VSX1: variants seen among roughly 807,000 people sequenced by gnomAD.
VSX1 encodes homeodomain protein RINX.
VSX1 carries 23 observed loss-of-function variants against 23.6 expected under a neutral mutation model. The observed-to-expected ratio is 0.97, with a 90% CI of 0.70 to 1.38. The LOEUF is 1.38. VSX1 is among the 40% of genes most tolerant of loss of function. VSX1 has a pLI of 0.00. For missense variants in VSX1, 517 were observed against 495.4 expected, an observed-to-expected ratio of 1.04 and a Z score of -0.41; for synonymous variants, 247 against 215.1, an observed-to-expected ratio of 1.15 and a Z score of -1.30.
rs1295232328 is a variant in VSX1, at chr20:25,081,732, G to A, written c.365C>T (p.Pro122Leu). ...RGPEPAAPLA[P>L]SRPPPALGRQ... ...GCCGAGCGCAGGCGGCGGACGGCTG[G>A]GAGCCAGCGGGGCAGCGGGCTCGGG... The change falls in exon 1 of 5, where the codon CCC becomes CTC. Residue 122 changes from proline (P) to leucine (L), a missense_variant. Pro to Leu is a moderately conservative substitution (Grantham distance 98, BLOSUM62 -3). Coordinates refer to ENST00000376709, the MANE Select transcript of VSX1 (RefSeq NM_014588.6). 1 of 1,501,370 alleles carries A rather than the reference G, an allele frequency of 6.7e-7. No individual in the cohort carries two copies. The highest frequency in any genetic ancestry group is 8.8e-7 in the Non-Finnish European group (1 of 1,133,130). 93.0% of individuals were successfully genotyped at this position (1,501,370 alleles called of 1,614,324 possible).
chr20:25,076,738 C>T (rs1240754456), intron 4 of VSX1, among the ~76,000 whole-genome samples, 188 bp from the exon 5 acceptor site: 2 of 152,126 alleles, frequency 1.3e-5, no homozygotes. Context: ...TGTCTGACCC[C>T]GGGTCACATC....
At chr20:25,074,463 C>T (rs2089445032), downstream of VSX1, among the ~76,000 whole-genome samples, 1 of 152,214 alleles carries the variant, frequency 6.6e-6, no homozygotes, top group Non-Finnish European at 1.5e-5. Context: ...GTGCCACTTC[C>T]TATTTTCTCC....
intron 1 of VSX1, among the ~76,000 whole-genome samples, chr20:25,081,045 T>C (rs151323369): frequency 1.2e-4 from 19 of 152,334 alleles, no homozygotes; most frequent in African/African-American, 4.6e-4. Context: ...GGGAAATGGG[T>C]AGGCCAGGAA....
downstream of VSX1, chr20:25,071,124 AG>A: frequency 2.2e-6 from 1 of 454,116 alleles, no homozygotes; most frequent in Admixed American, 2.3e-5. Flanking sequence ...GGTGACTTAG[AG>A]GGTCAGTAAG....
chr20:25,075,987 T>A lies in VSX1; in HGVS notation c.*274A>T. ...AGTGAAATCATTTTTGAACTTCGGA[T>A]CCTCCCTGCTCAAGCTACAAAAGAG... is the stretch of plus-strand genomic sequence containing the variant. On this transcript the variant is annotated 3_prime_UTR_variant, in exon 5 of 5. Coordinates refer to ENST00000376709, the MANE Select transcript of VSX1 (RefSeq NM_014588.6). 1 of 513,078 alleles carries A rather than the reference T, an allele frequency of 1.9e-6. No individual in the cohort carries two copies. The highest frequency in any genetic ancestry group is 2.1e-5 in the South Asian group (1 of 47,002). 31.8% of individuals were successfully genotyped at this position (513,078 alleles called of 1,614,324 possible). A position where few individuals can be genotyped will look rare whatever the true frequency, so the allele number is the denominator to read the frequency against.
rs766439615 is a variant in VSX1, at chr20:25,079,462, C to G, written c.477G>C (p.Leu159Phe). The change falls in exon 2 of 5, where the codon TTG (leucine) becomes TTC (phenylalanine). Residue 159 changes from leucine to phenylalanine, a missense_variant. Physicochemically the swap from Leu to Phe is conservative, Grantham distance 22 (BLOSUM62 0). Coordinates refer to ENST00000376709, the MANE Select transcript of VSX1 (RefSeq NM_014588.6). ...TGTGCCGCCGCTTCTTCCTCTTGCC[C>G]AAGGTGGGGGATGCCTTTAGGTCAT... ...DRNDLKASPT[L>F]GKRKKRRHRT... The G allele has an allele frequency of 1.2e-6, 2 of 1,612,888 alleles. No homozygotes were observed. Among genetic ancestry groups the G allele is most frequent in the Non-Finnish European group, 8.5e-7 (1 of 1,179,756 alleles).
intron 3 of VSX1, 197 bp downstream of exon 3, chr20:25,078,632 T>C (rs1052202446): frequency 3.6e-5 from 54 of 1,508,846 alleles, no homozygotes; most frequent in Non-Finnish European, 4.6e-5. Context: ...GATTTGATAC[T>C]AAATAATAAT....
chr20:25,071,907 C>A (rs115070323), downstream of VSX1: 17,813 of 700,220 alleles, frequency 0.025, 395 homozygotes, highest in African/African-American at 0.092. Flanking sequence ...CAGACTTTAG[C>A]AGCATTACAG....
At position 25,077,287 on chromosome 20, in the gene VSX1, G is replaced by A. The variant is rs115364778; in HGVS notation, c.808+398C>T. ...GCCAGCCCTCCTGACTCAGATGGAG[G>A]GGCTCACTGTCCCCAGGGGTCGCTG... On this transcript the variant is annotated intron_variant, in intron 4 of 4. Transcript: ENST00000376709. Among the ~76,000 whole-genome samples the A allele has an allele frequency of 1.8e-3, 279 of 152,278 alleles. 2 individuals carry two copies. The highest frequency in any genetic ancestry group is 6.6e-3 in the African/African-American group (273 of 41,552).
At chr20:25,076,869 G>C (rs927891002) in intron 4 of VSX1, among the ~76,000 whole-genome samples, 2 of 152,216 alleles carry the variant, frequency 1.3e-5, no homozygotes, top group Non-Finnish European at 1.5e-5. Flanking sequence ...AGATGAGCCA[G>C]TTTGGGTCAC....
intron 1 of VSX1, 82 bp downstream of exon 1, chr20:25,081,591 C>G (rs2089644000): frequency 6.5e-7 from 1 of 1,542,592 alleles, no homozygotes; most frequent in African/African-American, 1.4e-5. Flanking sequence ...GCCAGGGGTG[C>G]GGTGGGGCGA....
intron 4 of VSX1, 67 bp downstream of exon 4, chr20:25,077,618 G>A (rs1421909724): frequency 6.5e-7 from 1 of 1,527,014 alleles, no homozygotes; most frequent in African/African-American, 1.4e-5. Flanking sequence ...CCTCGGTGGG[G>A]ACACCCTGGG....
downstream of VSX1, chr20:25,072,537 T>G (rs919353935): frequency 2.1e-5 from 10 of 471,032 alleles, no homozygotes; most frequent in Non-Finnish European, 4.0e-5. Flanking sequence ...AGCCATCACC[T>G]CGTTCTTTAA....
chr20:25,074,210 C>T (rs1194276150), downstream of VSX1, among the ~76,000 whole-genome samples: 1 of 152,116 alleles, frequency 6.6e-6, no homozygotes, highest in East Asian at 1.9e-4. Flanking sequence ...AATGAGTGTT[C>T]TGCTGTCATC....
At position 25,076,084 on chromosome 20, in the gene VSX1, A is replaced by G; in HGVS notation, c.*177T>C. 1.2e-6 allele frequency: 1 copy of G among 811,202 alleles called. No homozygotes were observed. The highest frequency in any genetic ancestry group is 1.9e-6 in the Non-Finnish European group (1 of 520,468). 50.3% of individuals were successfully genotyped at this position (811,202 alleles called of 1,614,324 possible). A position where few individuals can be genotyped will look rare whatever the true frequency, so the allele number is the denominator to read the frequency against. ...AACCGTTTCCATTCTAGAATGAAAT[A>G]GAATTTTCCCTAGGTCACTCATCTG... On this transcript the variant is annotated 3_prime_UTR_variant, in exon 5 of 5. Coordinates refer to ENST00000376709, the MANE Select transcript of VSX1 (RefSeq NM_014588.6).
At chr20:25,078,751 T>G (rs1424083309) in intron 3 of VSX1, 78 bp downstream of exon 3, 1 of 1,614,068 alleles carries the variant, frequency 6.2e-7, no homozygotes, top group Non-Finnish European at 8.5e-7. Flanking sequence ...GAGAAGGGAC[T>G]GCTGATTGGC....
At chr20:25,070,959 CT>C, downstream of VSX1, 1 of 452,848 alleles carries the variant, frequency 2.2e-6, no homozygotes, top group South Asian at 1.6e-5. Flanking sequence ...AGTAGGTGAT[CT>C]TCAACAGAAG....
chr20:25,079,082 AC>A, intron 2 of VSX1, 130 bp from the exon 3 acceptor site: 1 of 1,009,670 alleles, frequency 9.9e-7, no homozygotes, highest in Non-Finnish European at 1.5e-6. Flanking sequence ...ATAATGGAAC[AC>A]CCCACCTCTG....
At chr20:25,078,542 A>G in intron 3 of VSX1, 1 of 1,345,666 alleles carries the variant, frequency 7.4e-7, no homozygotes, top group Non-Finnish European at 9.5e-7. Context: ...ATGGAGAGGT[A>G]GTCTCTTTTT....
Sources: gnomAD v4.1 joint callset for allele counts (sites outside exome capture counted in the v4.1 genomes callset) on GRCh38, gnomAD v4.1.1 for gene constraint, MANE v1.5 for transcripts, NCBI Gene and HGNC (gene_info 2026-07-23, HGNC 2026-07-21) for gene names.